Variants in RIMBP2 observed in about 807,000 individuals in gnomAD.
RIMBP2 encodes RIMS binding protein 2.
Under a neutral mutation model 118.6 loss-of-function variants are expected in RIMBP2, and 48 were observed. The ratio of observed to expected loss-of-function variants is 0.40; its 90% CI spans 0.32 to 0.51. The LOEUF (loss-of-function observed/expected upper bound fraction) is 0.51, where lower values mean the gene tolerates loss of function less well. RIMBP2 is among the 20% of genes least tolerant of loss of function. RIMBP2 has a pLI of 0.41. For missense variants in RIMBP2, 1,551 were observed against 1,768.3 expected, an observed-to-expected ratio of 0.88 and a Z score of 2.20; for synonymous variants, 762 against 742.9, an observed-to-expected ratio of 1.03 and a Z score of -0.42.
intron 12 of RIMBP2, 78 bp downstream of exon 12, chr12:130,438,286 TC>T (rs1169566441): frequency 6.6e-7 from 1 of 1,521,080 alleles, no homozygotes; most frequent in African/African-American, 1.4e-5. Context: ...CCCTGCCTCC[TC>T]CACTGAGCAA....
Position 130,469,319 on chromosome 12 carries a change from CG to C in RIMBP2, c.153+1373del. On this transcript the variant is annotated intron_variant, in intron 6 of 22. Coordinates refer to ENST00000690449, the MANE Select transcript of RIMBP2 (RefSeq NM_001393629.1). The surrounding 1 kb of genome is among the most constrained non-coding windows in gnomAD (Gnocchi z 4.8). ...TTGAAAGCATGCACCACCAGCAGCA[CG>C]GGGTGACAGGTGACAGCGGGATCAT... The C allele has an allele frequency of 6.6e-6, 1 of 152,496 alleles. No homozygotes were observed. The highest frequency in any genetic ancestry group is 2.1e-4 in the South Asian group (1 of 4,830). The allele number at this position is 152,496 out of a possible 1,614,324, so 9.4% of individuals were successfully genotyped here. A position where few individuals can be genotyped will look rare whatever the true frequency, so the allele number is the denominator to read the frequency against.
At chr12:130,470,528 T>C (rs2080914830) in intron 6 of RIMBP2, 165 bp downstream of exon 6, 1 of 401,838 alleles carries the variant, frequency 2.5e-6, no homozygotes, top group East Asian at 3.6e-5. Context: ...GCACCTGTAG[T>C]ACTGGTTGCT....
At chr12:130,441,001 A>G (rs971485841) in intron 11 of RIMBP2, among the ~76,000 whole-genome samples, 2 of 152,184 alleles carry the variant, frequency 1.3e-5, no homozygotes, top group African/African-American at 4.8e-5. Context: ...TCCCCAGGAA[A>G]GGAAGGGGGC....
chr12:130,611,409 T>C (rs1216321311), intron 2 of RIMBP2, among the ~76,000 whole-genome samples: 5 of 152,146 alleles, frequency 3.3e-5, no homozygotes, highest in African/African-American at 1.2e-4. Flanking sequence ...TGGGGGCCCT[T>C]TTGTCTTCCA....
At position 130,531,867 on chromosome 12, in the gene RIMBP2, T is replaced by C. The variant is rs535552943; in HGVS notation, c.-216-13950A>G. Among the ~76,000 whole-genome samples the C allele has an allele frequency of 5.3e-5, 8 of 151,834 alleles. No homozygotes were observed. The South Asian group carries it at 1.7e-3, about 32-fold the overall frequency. ...TAATGAGATGCGTATGTTTAGCCTC[T>C]AGGAGTTACGTCTAATGAGATGCGT... is the stretch of plus-strand genomic sequence containing the variant. On this transcript the variant is annotated intron_variant, in intron 2 of 22. Transcript: ENST00000690449.
Position 130,424,286 on chromosome 12 carries a change from C to A in RIMBP2, c.2985G>T (p.Arg995Ser). Reference sequence around the variant, plus strand: ...CCCAGCCGTGCTTCCTGGGGGGCGGCCTCTCCGGGCCGGGCTGGGGGTCGT... The same window carrying A: ...CCCAGCCGTGCTTCCTGGGGGGCGGACTCTCCGGGCCGGGCTGGGGGTCGT... ...RNDDPQPGPE[R>S]PPPRKHGWGE... Residue 995 changes from arginine to serine, a missense_variant, in exon 16 of 23, where the codon AGG (arginine) becomes AGT (serine). Arg to Ser is a moderately radical substitution (Grantham distance 110, BLOSUM62 -1). Transcript: ENST00000690449. This position sits in a 1 kb window ranked among gnomAD's most constrained non-coding sequence, Gnocchi z 9.8. 8.1e-7 allele frequency: 1 copy of A among 1,231,822 alleles called. No individual in the cohort carries two copies. Among genetic ancestry groups the A allele is most frequent in the Non-Finnish European group, 1.0e-6 (1 of 987,882 alleles). The allele number at this position is 1,231,822 out of a possible 1,614,324, so 76.3% of individuals were successfully genotyped here. A position where few individuals can be genotyped will look rare whatever the true frequency, so the allele number is the denominator to read the frequency against.
rs1407035973 is a variant in RIMBP2, at chr12:130,424,761, A to C, written c.2510T>G (p.Val837Gly). ...HRKRLFSIPE[V>G]AEEDGECCGL... ...ACAGCACTCTCCGTCCTCTTCCGCT[A>C]CTTCGGGGATACTGAAAAGTCTCTT... Residue 837 changes from valine (V) to glycine (G), a missense_variant, in exon 16 of 23, where the codon GTA becomes GGA. Coordinates refer to ENST00000690449, the MANE Select transcript of RIMBP2 (RefSeq NM_001393629.1). This position sits in a 1 kb window ranked among gnomAD's most constrained non-coding sequence, Gnocchi z 9.8. The C allele has an allele frequency of 1.6e-6, 2 of 1,232,548 alleles. No individual in the cohort carries two copies. The allele number at this position is 1,232,548 out of a possible 1,614,324, so 76.4% of individuals were successfully genotyped here.
At position 130,578,724 on chromosome 12, in the gene RIMBP2, G is replaced by A. The variant is rs540608412; in HGVS notation, c.-217+49598C>T. 6.6e-5 allele frequency among the ~76,000 whole-genome samples: 10 copies of A among 152,162 alleles called. No homozygotes were observed. Among genetic ancestry groups the A allele is most frequent in the South Asian group, 4.2e-4 (2 of 4,806 alleles). ...ACGACCGAGTCCCTCACCCTGCCCC[G>A]TCTCCACACTTGGCTTGTGCCTTCC... On this transcript the variant is annotated intron_variant, in intron 2 of 22. Coordinates refer to ENST00000690449, the MANE Select transcript of RIMBP2 (RefSeq NM_001393629.1). This position sits in a 1 kb window ranked among gnomAD's most constrained non-coding sequence, Gnocchi z 4.1.
At chr12:130,672,401 G>T (rs2064242438) in intron 1 of RIMBP2, among the ~76,000 whole-genome samples, 1 of 152,224 alleles carries the variant, frequency 6.6e-6, no homozygotes, top group African/African-American at 2.4e-5. Flanking sequence ...CGGTAGGGTG[G>T]ATTGAGCTCA....
At chr12:130,544,383 T>G (rs1473795802) in intron 2 of RIMBP2, among the ~76,000 whole-genome samples, 2 of 152,192 alleles carry the variant, frequency 1.3e-5, no homozygotes, top group Non-Finnish European at 2.9e-5. Flanking sequence ...GGTCCCCCTT[T>G]AAGCCTGATC....
chr12:130,437,060 C>A lies in RIMBP2; in HGVS notation c.1888G>T (p.Glu630Ter). Residue 630 changes from glutamate (E) to a stop codon, truncating the protein, a stop_gained, in exon 13 of 23, where the codon GAG becomes TAG. Transcript: ENST00000690449. LOFTEE classifies it high-confidence loss of function. ...ASSGVPETKDEHLGPHARMDE... is the reference protein window; with the variant it reads ...ASSGVPETKD ...ATCCTGGCGTGGGGACCCAGGTGCT[C>A]GTCTTTGGTTTCGGGGACTCCAGAA... 1 of 1,573,710 alleles carries A rather than the reference C, an allele frequency of 6.4e-7. No individual in the cohort carries two copies. Among genetic ancestry groups the A allele is most frequent in the Non-Finnish European group, 8.6e-7 (1 of 1,156,814 alleles).
intron 2 of RIMBP2, among the ~76,000 whole-genome samples, chr12:130,605,987 G>C (rs2060160904): frequency 6.6e-6 from 1 of 152,080 alleles, no homozygotes; most frequent in African/African-American, 2.4e-5. Flanking sequence ...AGAATTGCTT[G>C]AACCCAGGAG....
chr12:130,642,505 G>A (rs1236094349), intron 1 of RIMBP2, among the ~76,000 whole-genome samples: 2 of 152,146 alleles, frequency 1.3e-5, no homozygotes, highest in Admixed American at 6.5e-5. Context: ...GGCTGGTCTT[G>A]AACTCCTGAC....
At position 130,710,684 on chromosome 12, in the gene RIMBP2, C is replaced by G. The variant is rs1018611831; in HGVS notation, c.-352+5538G>C. Among the ~76,000 whole-genome samples, 1 of 152,214 alleles carries G rather than the reference C, an allele frequency of 6.6e-6. No individual in the cohort carries two copies. The highest frequency in any genetic ancestry group is 2.4e-5 in the African/African-American group (1 of 41,452). ...CTCAGCACCAACAGGAAGGACCTGT[C>G]CACACAGCTAGGCCAAGGAGAGAGC... On this transcript the variant is annotated intron_variant, in intron 1 of 22. Transcript: ENST00000690449. The surrounding 1 kb of genome is among the most constrained non-coding windows in gnomAD (Gnocchi z 4.3).
intron 1 of RIMBP2, among the ~76,000 whole-genome samples, chr12:130,702,583 G>T (rs917714395): frequency 2.0e-5 from 3 of 149,434 alleles, no homozygotes; most frequent in Admixed American, 6.7e-5. Context: ...AAGGAAGGAA[G>T]GAAGAAGGGA....
intron 1 of RIMBP2, among the ~76,000 whole-genome samples, chr12:130,677,130 A>AG (rs2064529053): frequency 6.6e-6 from 1 of 152,148 alleles, no homozygotes; most frequent in Non-Finnish European, 1.5e-5. Flanking sequence ...TGTTACGACT[A>AG]GGGTGGGGGT....
At chr12:130,678,446 C>G in intron 1 of RIMBP2, among the ~76,000 whole-genome samples, 1 of 152,170 alleles carries the variant, frequency 6.6e-6, no homozygotes, top group East Asian at 1.9e-4. Context: ...CAGGGTACAG[C>G]GTGGGTGCAC....
Position 130,422,420 on chromosome 12 carries a change from G to A in RIMBP2, c.3238+33C>T. 2 of 1,494,592 alleles carry A rather than the reference G, an allele frequency of 1.3e-6. No homozygotes were observed. The highest frequency in any genetic ancestry group is 1.9e-6 in the Non-Finnish European group (2 of 1,077,598). 92.6% of individuals were successfully genotyped at this position (1,494,592 alleles called of 1,614,324 possible). A position where few individuals can be genotyped will look rare whatever the true frequency, so the allele number is the denominator to read the frequency against. ...GTAAGCAGCCACATGCTCCGCGGCTGAAAGACACAACAGCGATGATGGGGC... is the reference window on the plus strand; with the variant it reads ...GTAAGCAGCCACATGCTCCGCGGCTAAAAGACACAACAGCGATGATGGGGC... On this transcript the variant is annotated intron_variant, in intron 17 of 22. Transcript: ENST00000690449. This position sits in a 1 kb window ranked among gnomAD's most constrained non-coding sequence, Gnocchi z 5.2.
At chr12:130,500,705 C>T (rs1050683377) in intron 4 of RIMBP2, among the ~76,000 whole-genome samples, 1 of 152,182 alleles carries the variant, frequency 6.6e-6, no homozygotes, top group South Asian at 2.1e-4. Context: ...TAACTACCCC[C>T]GTTAACACAG....
Sources: allele counts gnomAD v4.1 joint callset (sites outside exome capture counted in the v4.1 genomes callset), GRCh38; gene constraint gnomAD v4.1.1; non-coding constraint Gnocchi (gnomAD v3.1); transcripts MANE v1.5; gene names NCBI Gene and HGNC (gene_info 2026-07-23, HGNC 2026-07-21).